The following IQSEC1 variants were observed in gnomAD, a reference collection of about 807,000 sequenced individuals.
IQSEC1 encodes IQ motif and Sec7 domain ArfGEF 1.
Under a neutral mutation model 91.0 loss-of-function variants are expected in IQSEC1, and 31 were observed. The ratio of observed to expected loss-of-function variants is 0.34; its 90% CI spans 0.26 to 0.46. The LOEUF is 0.46. Ranked by LOEUF, IQSEC1 falls within the 20% of genes least tolerant of loss-of-function variation. IQSEC1 has a pLI of 1.00. For synonymous variants in IQSEC1, 699 were observed against 662.6 expected (o/e 1.05, Z -0.84); for missense variants, 1,388 against 1,575.6 (o/e 0.88, Z 2.02).
intron 1 of IQSEC1, among the ~76,000 whole-genome samples, chr3:13,197,759 C>T (rs1694161313): frequency 6.6e-6 from 1 of 152,334 alleles, no homozygotes; most frequent in African/African-American, 2.4e-5. Context: ...GCCCCGTTCA[C>T]AGGTGGGCAC....
intron 1 of IQSEC1, among the ~76,000 whole-genome samples, chr3:13,041,521 G>C (rs140126531): frequency 6.6e-6 from 1 of 152,206 alleles, no homozygotes. Flanking sequence ...GAATAGACGG[G>C]ACAATTCCCT....
chr3:13,234,037 T>C (rs1694878766), intron 1 of IQSEC1, among the ~76,000 whole-genome samples: 1 of 152,238 alleles, frequency 6.6e-6, no homozygotes, highest in South Asian at 2.1e-4. Context: ...TGCATGCCAC[T>C]TCCGGGATCC....
chr3:13,061,227 G>A (rs1705059183), intron 1 of IQSEC1, among the ~76,000 whole-genome samples: 1 of 152,128 alleles, frequency 6.6e-6, no homozygotes, highest in African/African-American at 2.4e-5. Context: ...CGGCAGCATG[G>A]GCATGACTGC....
chr3:13,090,543 C>T (rs1373977865), intron 2 of IQSEC1, among the ~76,000 whole-genome samples: 6 of 152,284 alleles, frequency 3.9e-5, no homozygotes, highest in Middle Eastern at 3.4e-3. Flanking sequence ...GGCTGCAAGT[C>T]CCCCACAGGA....
intron 1 of IQSEC1, among the ~76,000 whole-genome samples, chr3:13,257,582 G>A (rs942536157): frequency 3.9e-5 from 6 of 152,138 alleles, no homozygotes; most frequent in Non-Finnish European, 7.3e-5. Flanking sequence ...CATCTTCCTC[G>A]TTTGAGCTCA....
At chr3:13,274,042 C>T (rs1383133227) in intron 1 of IQSEC1, among the ~76,000 whole-genome samples, 2 of 152,152 alleles carry the variant, frequency 1.3e-5, no homozygotes, top group Non-Finnish European at 2.9e-5. Context: ...TTTCACATGC[C>T]GAGGGGGAGA....
chr3:13,072,902 T>C, intron 1 of IQSEC1, 90 bp downstream of exon 1: 1 of 1,174,516 alleles, frequency 8.5e-7, no homozygotes, highest in Non-Finnish European at 1.2e-6. Context: ...CACCTGCCCC[T>C]CCCCCAACGA....
At chr3:13,143,503 C>T (rs796778869) in intron 2 of IQSEC1, among the ~76,000 whole-genome samples, 4 of 152,218 alleles carry the variant, frequency 2.6e-5, no homozygotes, top group East Asian at 1.9e-4. Context: ...TCAGCCATCA[C>T]GCCATCTCCC....
chr3:13,045,053 C>T (rs1037890000), intron 1 of IQSEC1, among the ~76,000 whole-genome samples: 4 of 152,212 alleles, frequency 2.6e-5, no homozygotes, highest in African/African-American at 7.2e-5. Context: ...GGAGTCAGGA[C>T]GCATGCCAAG....
intron 2 of IQSEC1, among the ~76,000 whole-genome samples, chr3:13,116,692 G>A (rs1054152200): frequency 6.6e-6 from 1 of 152,148 alleles, no homozygotes; most frequent in African/African-American, 2.4e-5. Context: ...TTTGAGATCA[G>A]GAGTTCAAGA....
At chr3:13,005,961 T>C (rs1318267341) in intron 1 of IQSEC1, among the ~76,000 whole-genome samples, 2 of 152,228 alleles carry the variant, frequency 1.3e-5, no homozygotes, top group African/African-American at 2.4e-5. Context: ...CCAGGTACTC[T>C]GTCTGATATG....
intron 1 of IQSEC1, among the ~76,000 whole-genome samples, chr3:13,224,882 C>G (rs1182766481): frequency 5.3e-5 from 8 of 152,238 alleles, no homozygotes; most frequent in African/African-American, 1.9e-4. Context: ...ACTAACAATT[C>G]CATCAGCAAA....
rs1473690528 is a variant in IQSEC1, at chr3:12,908,575, G to A, written c.2579-50C>T. The A allele has an allele frequency of 2.5e-6, 4 of 1,597,520 alleles. No individual in the cohort carries two copies. In the Admixed American group the frequency reaches 6.7e-5, roughly 27 times the overall value. ...TGGTGAGAGGAGCACAGCCTAGAGT[G>A]GGCAGGAGACGGGGCCTTCTGCTTG... On this transcript the variant is annotated intron_variant, in intron 11 of 13. Transcript: ENST00000613206. The surrounding 1 kb of genome is among the most constrained non-coding windows in gnomAD (Gnocchi z 4.9).
rs116788827 is a variant in IQSEC1 at position 13,032,094 on chromosome 3, C to T, written c.23+40898G>A. On this transcript the variant is annotated intron_variant, in intron 1 of 13. Transcript: ENST00000613206. ...ATTCTCCTTTCTCTACGCACACACACCTGTGCTCGCATACACACTTTCCCC... is the reference window on the plus strand; with the variant it reads ...ATTCTCCTTTCTCTACGCACACACATCTGTGCTCGCATACACACTTTCCCC... Among the ~76,000 whole-genome samples the T allele has an allele frequency of 5.0e-3, 760 of 152,268 alleles. 9 individuals are homozygous for T. The highest frequency in any genetic ancestry group is 0.018 in the African/African-American group (735 of 41,552).
intron 2 of IQSEC1, among the ~76,000 whole-genome samples, chr3:13,111,008 G>A (rs1327223231): frequency 6.6e-6 from 1 of 152,206 alleles, no homozygotes; most frequent in Non-Finnish European, 1.5e-5. Context: ...TGAGAGTTCA[G>A]AAAGTGGGTG....
rs1477485548 is a variant in IQSEC1, at chr3:12,983,148, C to G, written c.24-41283G>C. 6.6e-6 allele frequency among the ~76,000 whole-genome samples: 1 copy of G among 152,228 alleles called. No individual in the cohort carries two copies. Among genetic ancestry groups the G allele is most frequent in the African/African-American group, 2.4e-5 (1 of 41,456 alleles). On this transcript the variant is annotated intron_variant, in intron 1 of 13. Transcript: ENST00000613206. The surrounding 1 kb of genome is among the most constrained non-coding windows in gnomAD (Gnocchi z 4.3). ...TATGAGACAGGGACTTTATGGCCAGCATTCCGCTGGCCCCAGCTGCATAAT... is the reference window on the plus strand; with the variant it reads ...TATGAGACAGGGACTTTATGGCCAGGATTCCGCTGGCCCCAGCTGCATAAT...
chr3:12,960,413 A>C (rs1405721181), intron 1 of IQSEC1: 1 of 152,142 alleles, frequency 6.6e-6, no homozygotes, highest in African/African-American at 2.4e-5. Context: ...AGGGAACCCA[A>C]TGCTGCCACT....
At chr3:12,998,178 C>T (rs988480346) in intron 1 of IQSEC1, among the ~76,000 whole-genome samples, 3 of 152,032 alleles carry the variant, frequency 2.0e-5, no homozygotes, top group Admixed American at 6.6e-5. Flanking sequence ...GGCAAAACAC[C>T]GTCTCTACTA....
At chr3:13,113,069 C>T (rs1480941070) in intron 2 of IQSEC1, among the ~76,000 whole-genome samples, 2 of 152,232 alleles carry the variant, frequency 1.3e-5, no homozygotes. Context: ...TTCCAGGCTC[C>T]TGCTGCATGC....
Sources: allele counts gnomAD v4.1 joint callset (sites outside exome capture counted in the v4.1 genomes callset), GRCh38; gene constraint gnomAD v4.1.1; non-coding constraint Gnocchi (gnomAD v3.1); transcripts MANE v1.5; gene names NCBI Gene and HGNC (gene_info 2026-07-23, HGNC 2026-07-21).